FAF1: variants seen among roughly 807,000 people sequenced by gnomAD.
FAF1 encodes Fas associated factor 1.
In FAF1, 25 loss-of-function variants were observed where a neutral mutation model predicts 92.5. The ratio of observed to expected loss-of-function variants is 0.27; its 90% CI spans 0.20 to 0.38. The LOEUF is 0.38. Among genes scored for constraint, FAF1 ranks in the 10% least tolerant of loss-of-function variants. FAF1 has a pLI of 1.00. For missense variants in FAF1, 636 were observed against 793.3 expected (o/e 0.80, Z 2.38); for synonymous variants, 234 against 273.2 (o/e 0.86, Z 1.42).
chr1:50,610,290 A>G lies in FAF1; in HGVS notation c.745-14074T>C, dbSNP rs536929433. 5.3e-5 allele frequency among the ~76,000 whole-genome samples: 8 copies of G among 152,290 alleles called. No homozygotes were observed. The South Asian group carries it at 1.7e-3, about 32-fold the overall frequency. On this transcript the variant is annotated intron_variant, in intron 8 of 18. Transcript: ENST00000396153. ...GAAACTGAAAACCAAACTTTCAAGC[A>G]TTTTTCTAATTGTGGAAGTATCCTT...
intron 7 of FAF1, among the ~76,000 whole-genome samples, chr1:50,674,286 C>T (rs1038836149): frequency 1.3e-4 from 19 of 151,928 alleles, no homozygotes; most frequent in African/African-American, 3.9e-4. Flanking sequence ...TACCATGACA[C>T]ATCCCTAAAA....
intron 9 of FAF1, among the ~76,000 whole-genome samples, chr1:50,589,398 T>G (rs1651396237): frequency 6.6e-6 from 1 of 151,738 alleles, no homozygotes. Context: ...TGACTCCAGG[T>G]GGGGAAGGGA....
At chr1:50,758,937 G>A (rs1301289503) in intron 4 of FAF1, among the ~76,000 whole-genome samples, 1 of 151,942 alleles carries the variant, frequency 6.6e-6, no homozygotes, top group African/African-American at 2.4e-5. Context: ...CTGCCTCGTA[G>A]GTTCACACCA....
chr1:50,622,730 C>T (rs1341033860), intron 8 of FAF1, among the ~76,000 whole-genome samples: 1 of 152,020 alleles, frequency 6.6e-6, no homozygotes, highest in Admixed American at 6.6e-5. Flanking sequence ...GAGAGGATTC[C>T]AGTATTTATT....
At position 50,441,389 on chromosome 1, in the gene FAF1, C is replaced by A. The variant is rs764699238; in HGVS notation, c.*51G>T. ...GGTTGGCGAGGAGCCCTTCTCCTGACGCAGGCTGCTGGCTTGTCAAGGAAT... is the reference window on the plus strand; with the variant it reads ...GGTTGGCGAGGAGCCCTTCTCCTGAAGCAGGCTGCTGGCTTGTCAAGGAAT... On this transcript the variant is annotated 3_prime_UTR_variant, in exon 19 of 19. Coordinates refer to ENST00000396153, the MANE Select transcript of FAF1 (RefSeq NM_007051.3). The A allele has an allele frequency of 1.6e-5, 19 of 1,210,492 alleles. No individual in the cohort carries two copies. Among genetic ancestry groups the A allele is most frequent in the East Asian group, 2.8e-5 (1 of 36,164 alleles). The allele number at this position is 1,210,492 out of a possible 1,614,324, so 75.0% of individuals were successfully genotyped here.
At chr1:50,686,566 G>T (rs1304093936) in intron 7 of FAF1, among the ~76,000 whole-genome samples, 2 of 123,702 alleles carry the variant, frequency 1.6e-5, no homozygotes. Flanking sequence ...GGAGGGGAGG[G>T]AAGAGGAGGG....
At chr1:50,545,890 C>G (rs1326469381) in intron 13 of FAF1, among the ~76,000 whole-genome samples, 3 of 152,230 alleles carry the variant, frequency 2.0e-5, no homozygotes, top group African/African-American at 7.2e-5. Context: ...TTACTGGATG[C>G]AGTAGCTCAC....
chr1:50,695,669 C>T (rs1427898484), intron 7 of FAF1, among the ~76,000 whole-genome samples: 2 of 152,064 alleles, frequency 1.3e-5, no homozygotes, highest in African/African-American at 4.8e-5. Flanking sequence ...TTCCCTGAGA[C>T]AGAGTCTCGC....
intron 2 of FAF1, chr1:50,846,332 T>C: frequency 3.6e-6 from 1 of 279,792 alleles, no homozygotes; most frequent in Non-Finnish European, 7.0e-6. Flanking sequence ...CCCAGGCTCA[T>C]GCAGCTGAAG....
intron 1 of FAF1, among the ~76,000 whole-genome samples, chr1:50,913,653 T>C (rs1644901377): frequency 6.6e-6 from 1 of 152,230 alleles, no homozygotes; most frequent in Non-Finnish European, 1.5e-5. Flanking sequence ...TTAATGAGTT[T>C]CTAACAGAAG....
intron 7 of FAF1, among the ~76,000 whole-genome samples, chr1:50,699,605 A>T (rs1421539481): frequency 6.6e-6 from 1 of 152,162 alleles, no homozygotes; most frequent in Non-Finnish European, 1.5e-5. Context: ...ATATATTTTT[A>T]AAGTATATAT....
intron 7 of FAF1, among the ~76,000 whole-genome samples, chr1:50,662,215 A>G (rs1223146554): frequency 6.6e-6 from 1 of 152,236 alleles, no homozygotes; most frequent in African/African-American, 2.4e-5. Flanking sequence ...CTTTCCAGAA[A>G]ACAATGAAGA....
intron 2 of FAF1, among the ~76,000 whole-genome samples, chr1:50,804,822 T>C (rs1383125676): frequency 6.6e-6 from 1 of 152,160 alleles, no homozygotes; most frequent in Non-Finnish European, 1.5e-5. Flanking sequence ...ATTGAAAGTT[T>C]GGTTAAATAC....
intron 4 of FAF1, among the ~76,000 whole-genome samples, chr1:50,783,154 T>A (rs1459018004): frequency 6.6e-6 from 1 of 152,064 alleles, no homozygotes; most frequent in Non-Finnish European, 1.5e-5. Context: ...CTACCAAGAC[T>A]GAATCGTGAA....
At chr1:50,894,258 G>A (rs541313825) in intron 1 of FAF1, among the ~76,000 whole-genome samples, 15 of 140,748 alleles carry the variant, frequency 1.1e-4, no homozygotes, top group African/African-American at 3.2e-4. Context: ...AAGATCACAC[G>A]ACTGCACTCC....
chr1:50,808,589 A>G (rs1237170334), intron 2 of FAF1, among the ~76,000 whole-genome samples: 1 of 152,056 alleles, frequency 6.6e-6, no homozygotes, highest in East Asian at 1.9e-4. Context: ...CCAAGCAAAC[A>G]AAAACTCAAC....
chr1:50,641,729 T>C (rs1325726620), intron 8 of FAF1, among the ~76,000 whole-genome samples: 1 of 152,204 alleles, frequency 6.6e-6, no homozygotes, highest in Non-Finnish European at 1.5e-5. Flanking sequence ...ATCTACATTC[T>C]TACCTATCAT....
At chr1:50,693,797 T>C (rs1657046269) in intron 7 of FAF1, among the ~76,000 whole-genome samples, 1 of 152,040 alleles carries the variant, frequency 6.6e-6, no homozygotes, top group Non-Finnish European at 1.5e-5. Context: ...GCCTACAGAC[T>C]AGCACACACC....
chr1:50,783,889 C>T (rs748242771), intron 4 of FAF1, among the ~76,000 whole-genome samples: 43 of 151,992 alleles, frequency 2.8e-4, no homozygotes, highest in South Asian at 4.1e-4. Context: ...ACAACAACAA[C>T]AACATATGAA....
Sources: gnomAD v4.1 joint callset for allele counts (sites outside exome capture counted in the v4.1 genomes callset) on GRCh38, gnomAD v4.1.1 for gene constraint, MANE v1.5 for transcripts, NCBI Gene and HGNC (gene_info 2026-07-23, HGNC 2026-07-21) for gene names.